Variants in ACHE observed in about 807,000 individuals in gnomAD.
ACHE encodes acetylcholinesterase.
A neutral mutation model predicts 53.9 loss-of-function variants in ACHE; 19 were observed. The observed-to-expected ratio is 0.35, with a 90% CI of 0.25 to 0.52. ACHE has a LOEUF of 0.52. Ranked by LOEUF, ACHE falls within the 20% of genes least tolerant of loss-of-function variation. ACHE has a pLI of 0.95. For synonymous variants in ACHE, 392 were observed against 378.1 expected (o/e 1.04, Z -0.43); for missense variants, 605 against 849.4 (o/e 0.71, Z 3.58).
Position 100,891,164 on chromosome 7 carries a change from C to T in ACHE, c.1723+5G>A. The T allele has an allele frequency of 1.3e-6, 2 of 1,599,920 alleles. No homozygotes were observed. The highest frequency in any genetic ancestry group is 8.5e-7 in the Non-Finnish European group (1 of 1,174,186). On this transcript the variant is annotated splice_donor_5th_base_variant and intron_variant, in intron 4 of 4. Coordinates refer to ENST00000241069, the MANE Select transcript of ACHE (RefSeq NM_000665.5). ...CCCAGCCGCTGCCCGCTGGCCCCTG[C>T]ATACCGGTGGCGCTGAGCAATTTGG...
chr7:100,894,847 C>T (rs1362841675), intron 1 of ACHE, among the ~76,000 whole-genome samples: 1 of 149,430 alleles, frequency 6.7e-6, no homozygotes, highest in Non-Finnish European at 1.5e-5. Context: ...CCCGCGGGTT[C>T]CCATCAGCTG....
Position 100,890,229 on chromosome 7 carries a change from G to T in ACHE, c.1830C>A (p.Arg610=). Residue 610 remains arginine (R), a synonymous_variant, in exon 5 of 5, where the codon CGC becomes CGA. Transcript: ENST00000241069. ...NQFDHYSKQD[R]CSDL is the part of the protein sequence containing the mutation. Reference sequence around the variant, plus strand: ...CCCGCCGGGGTCACAGGTCTGAGCAGCGATCCTGCTTGCTGTAGTGGTCGA... The same window carrying T: ...CCCGCCGGGGTCACAGGTCTGAGCATCGATCCTGCTTGCTGTAGTGGTCGA... 1 of 1,614,044 alleles carries T rather than the reference G, an allele frequency of 6.2e-7. No homozygotes were observed. The highest frequency in any genetic ancestry group is 8.5e-7 in the Non-Finnish European group (1 of 1,179,902).
upstream of ACHE, chr7:100,895,920 C>G (rs17884317): frequency 4.7e-5 from 7 of 149,858 alleles, no homozygotes; most frequent in East Asian, 2.0e-4. Context: ...GCACACACCC[C>G]CTCCGGGCCT....
Position 100,893,337 on chromosome 7 carries a change from T to A in ACHE, c.896A>T (p.Glu299Val), listed in dbSNP as rs758085271. 1 of 1,613,778 alleles carries A rather than the reference T, an allele frequency of 6.2e-7. No homozygotes were observed. Among genetic ancestry groups the A allele is most frequent in the South Asian group, 1.1e-5 (1 of 91,088 alleles). The stretch of plus-strand genomic sequence containing the variant: ...TCGTGTCCGAAGGCAGGCTACCAGC[T>A]CTGTGTCATTCCCACCAGTGCCGCC... ...PPGGTGGNDTELVACLRTRPA... is the reference protein window; with the variant it reads ...PPGGTGGNDTVLVACLRTRPA... The change falls in exon 2 of 5, where the codon GAG (glutamate) becomes GTG (valine). Residue 299 changes from glutamate to valine, a missense_variant. Transcript: ENST00000241069.
chr7:100,894,739 T>TAC, intron 1 of ACHE, among the ~76,000 whole-genome samples: 1 of 151,966 alleles, frequency 6.6e-6, no homozygotes, highest in South Asian at 2.1e-4. Flanking sequence ...ATTCAGGGTG[T>TAC]GGAAGCCTCA....
chr7:100,895,539 G>A (rs1227325559), intron 1 of ACHE, among the ~76,000 whole-genome samples: 1 of 152,142 alleles, frequency 6.6e-6, no homozygotes, highest in Non-Finnish European at 1.5e-5. Flanking sequence ...GAGCGATCGG[G>A]GAAGGGGTGC....
chr7:100,890,935 G>A (rs1169086911), intron 4 of ACHE: 1 of 1,471,456 alleles, frequency 6.8e-7, no homozygotes, highest in Admixed American at 2.8e-5. Flanking sequence ...GGGCCCCTGT[G>A]GCCGTAGGGG....
At position 100,890,263 on chromosome 7, in the gene ACHE, T is replaced by C. The variant is rs1479068690; in HGVS notation, c.1796A>G (p.Lys599Arg). 6.2e-7 allele frequency: 1 copy of C among 1,613,270 alleles called. No individual in the cohort carries two copies. Among genetic ancestry groups the C allele is most frequent in the Admixed American group, 1.7e-5 (1 of 59,932 alleles). The change falls in exon 5 of 5, where the codon AAG (lysine) becomes AGG (arginine). Residue 599 changes from lysine (K) to arginine (R), a missense_variant. This residue lies in a region of ACHE where 28 missense variants were observed against 54.8 expected (regional missense o/e 0.51). Coordinates refer to ENST00000241069, the MANE Select transcript of ACHE (RefSeq NM_000665.5). Reference sequence around the variant, plus strand: ...CTTGCTGTAGTGGTCGAACTGGTTCTTCCAGTGCACCATGTAGGAGCTCCA... The same window carrying C: ...CTTGCTGTAGTGGTCGAACTGGTTCCTCCAGTGCACCATGTAGGAGCTCCA... Reference protein sequence around the residue: ...HRWSSYMVHWKNQFDHYSKQD... With the variant: ...HRWSSYMVHWRNQFDHYSKQD...
rs779225043 is a variant in ACHE, at chr7:100,892,554, G to C, written c.1333C>G (p.Leu445Val). The C allele has an allele frequency of 6.2e-7, 1 of 1,612,310 alleles. No individual in the cohort carries two copies. Among genetic ancestry groups the C allele is most frequent in the Non-Finnish European group, 8.5e-7 (1 of 1,178,990 alleles). ...DHNVVCPVAQ[L>V]AGRLAAQGAR... ...CCCTGGGCAGCCAGTCGCCCAGCCA[G>C]CTGGGCCACGGGGCACACGACATTG... Residue 445 changes from leucine (L) to valine (V), a missense_variant, in exon 3 of 5, where the codon CTG becomes GTG. Leu to Val is a conservative substitution (Grantham distance 32, BLOSUM62 1). This residue lies in a region of ACHE where 397 missense variants were observed against 632.5 expected (regional missense o/e 0.63). Transcript: ENST00000241069. This position sits in a 1 kb window ranked among gnomAD's most constrained non-coding sequence, Gnocchi z 5.2.
Position 100,893,262 on chromosome 7 carries a change from C to T in ACHE, c.971G>A (p.Ser324Asn). ...NHEWHVLPQESVFRFSFVPVV... is the reference protein window; with the variant it reads ...NHEWHVLPQENVFRFSFVPVV... ...AGGCACGAAGGAGAACCGGAAGACG[C>T]TTTCTTGAGGCAGCACGTGCCATTC... Residue 324 changes from serine to asparagine, a missense_variant, in exon 2 of 5, where the codon AGC becomes AAC. Transcript: ENST00000241069. 6.2e-7 allele frequency: 1 copy of T among 1,614,080 alleles called. No individual in the cohort carries two copies. The highest frequency in any genetic ancestry group is 8.5e-7 in the Non-Finnish European group (1 of 1,180,022).
At chr7:100,895,114 C>G (rs1790968761) in intron 1 of ACHE, among the ~76,000 whole-genome samples, 1 of 152,104 alleles carries the variant, frequency 6.6e-6, no homozygotes, top group South Asian at 2.1e-4. Flanking sequence ...CGGAGATCCC[C>G]GGCTGCAGGG....
At chr7:100,891,371 G>C in intron 3 of ACHE, 33 bp from the exon 4 acceptor site, 1 of 1,494,974 alleles carries the variant, frequency 6.7e-7, no homozygotes, top group Non-Finnish European at 8.9e-7. Flanking sequence ...AGTCCAGACG[G>C]GCAGTGGGAG....
chr7:100,894,843 G>A (rs901612755), intron 1 of ACHE, among the ~76,000 whole-genome samples: 1 of 152,114 alleles, frequency 6.6e-6, no homozygotes, highest in Non-Finnish European at 1.5e-5. Context: ...GATGCCCGCG[G>A]GTTCCCATCA....
upstream of ACHE, chr7:100,896,484 T>C (rs918294152): frequency 5.5e-5 from 10 of 182,354 alleles, no homozygotes; most frequent in Middle Eastern, 7.4e-4. Flanking sequence ...ATGGGATCGC[T>C]AGTGGAAATG....
intron 1 of ACHE, among the ~76,000 whole-genome samples, chr7:100,895,032 G>A (rs1450651712): frequency 6.6e-6 from 1 of 152,200 alleles, no homozygotes; most frequent in African/African-American, 2.4e-5. Context: ...ACTTGGGGAG[G>A]GGGCCTGGGG....
At chr7:100,893,015 T>C in intron 2 of ACHE, 150 bp downstream of exon 2, 2 of 1,173,606 alleles carry the variant, frequency 1.7e-6, no homozygotes, top group Non-Finnish European at 2.4e-6. Flanking sequence ...TCTGCCCTGC[T>C]GACCACCCTG....
chr7:100,891,516 C>T (rs1355233275), intron 3 of ACHE, among the ~76,000 whole-genome samples, 178 bp from the exon 4 acceptor site: 1 of 152,048 alleles, frequency 6.6e-6, no homozygotes, highest in Non-Finnish European at 1.5e-5. Context: ...AGCGCTCCGT[C>T]TCCTTCCGTT....
chr7:100,892,867 A>G lies in ACHE; in HGVS notation c.1069-49T>C, dbSNP rs1413256126. 2.0e-6 allele frequency: 3 copies of G among 1,498,232 alleles called. No individual in the cohort carries two copies. The allele number at this position is 1,498,232 out of a possible 1,614,324, so 92.8% of individuals were successfully genotyped here. ...GGGATGGAGCGACAGGCACAGACAGACAAGTAGACAGAAACAGATGGACAG... is the reference window on the plus strand; with the variant it reads ...GGGATGGAGCGACAGGCACAGACAGGCAAGTAGACAGAAACAGATGGACAG... On this transcript the variant is annotated intron_variant, in intron 2 of 4. Coordinates refer to ENST00000241069, the MANE Select transcript of ACHE (RefSeq NM_000665.5). This position sits in a 1 kb window ranked among gnomAD's most constrained non-coding sequence, Gnocchi z 5.2.
At chr7:100,890,549 A>G (rs17883268) in intron 4 of ACHE, 27,623 of 1,394,840 alleles carry the variant, frequency 0.02, 327 homozygotes, top group Non-Finnish European at 0.023. Flanking sequence ...GAAGGACAGC[A>G]GGAAGGAGAG....
Sources: gnomAD v4.1 joint callset for allele counts (sites outside exome capture counted in the v4.1 genomes callset) on GRCh38, gnomAD v4.1.1 for gene constraint, gnomAD v4.1.1 regional missense constraint, Gnocchi (gnomAD v3.1) non-coding constraint, MANE v1.5 for transcripts, NCBI Gene and HGNC (gene_info 2026-07-23, HGNC 2026-07-21) for gene names.